XIRP2: variants seen among roughly 807,000 people sequenced by gnomAD.
XIRP2 encodes xin actin-binding repeat-containing protein 2.
In XIRP2, 236 loss-of-function variants were observed where a neutral mutation model predicts 277.0. The observed-to-expected ratio is 0.85, with a 90% CI of 0.77 to 0.95. The LOEUF is 0.95. XIRP2 is among the 40% of genes least tolerant of loss of function. The pLI is 0.00. For missense variants in XIRP2, 4,640 were observed against 4,157.5 expected (o/e 1.12, Z -3.19); for synonymous variants, 1,490 against 1,416.5 (o/e 1.05, Z -1.17).
At chr2:167,028,598 A>G (rs1024382562) in intron 2 of XIRP2, among the ~76,000 whole-genome samples, 1 of 152,080 alleles carries the variant, frequency 6.6e-6, no homozygotes. Flanking sequence ...CAAGACAGGT[A>G]CAAAGAAGTC....
chr2:166,930,815 T>G (rs909888959), intron 2 of XIRP2, among the ~76,000 whole-genome samples: 1 of 152,230 alleles, frequency 6.6e-6, no homozygotes, highest in Non-Finnish European at 1.5e-5. Flanking sequence ...AGTTGTATTA[T>G]TTCAGAACAT....
At position 167,258,929 on chromosome 2, in the gene XIRP2, C is replaced by T. The variant is rs758610656; in HGVS notation, c.*1112C>T. 1 of 1,613,090 alleles carries T rather than the reference C, an allele frequency of 6.2e-7. No homozygotes were observed. The highest frequency in any genetic ancestry group is 1.7e-5 in the Admixed American group (1 of 59,812). On this transcript the variant is annotated 3_prime_UTR_variant, in exon 11 of 11. Transcript: ENST00000409195. Reference sequence around the variant, plus strand: ...AGCAGCTGCTGGCAGTCCTGTGCAGCCTGCTCCAAAACCAAGCCTCAGCAG... The same window carrying T: ...AGCAGCTGCTGGCAGTCCTGTGCAGTCTGCTCCAAAACCAAGCCTCAGCAG...
At chr2:167,200,186 C>T (rs375897287) in intron 3 of XIRP2, among the ~76,000 whole-genome samples, 1 of 152,192 alleles carries the variant, frequency 6.6e-6, no homozygotes, top group Non-Finnish European at 1.5e-5. Flanking sequence ...AGCACAGTAA[C>T]GGTAGAATGA....
At chr2:167,030,967 T>A (rs2105504278) in intron 2 of XIRP2, among the ~76,000 whole-genome samples, 1 of 152,228 alleles carries the variant, frequency 6.6e-6, no homozygotes, top group South Asian at 2.1e-4. Flanking sequence ...TGTTTCTTGA[T>A]CTTTGTTGGT....
At chr2:166,986,376 G>A (rs1687005621) in intron 2 of XIRP2, among the ~76,000 whole-genome samples, 1 of 152,178 alleles carries the variant, frequency 6.6e-6, no homozygotes, top group Non-Finnish European at 1.5e-5. Flanking sequence ...TTTACAAAGT[G>A]TTTTGAGTTC....
rs1448119506 is a variant in XIRP2 at position 167,084,199 on chromosome 2, A to C, written c.409-51710A>C. 5.1e-4 allele frequency among the ~76,000 whole-genome samples: 78 copies of C among 152,006 alleles called. 2 individuals are homozygous for C. The highest frequency in any genetic ancestry group is 6.8e-3 in the Middle Eastern group (2 of 294). On this transcript the variant is annotated intron_variant, in intron 2 of 10. Coordinates refer to ENST00000409195, the MANE Select transcript of XIRP2 (RefSeq NM_152381.6). Reference sequence around the variant, plus strand: ...CCTTTTCTGCATCTATTGAGATAATAATGTGGTTTTTGTCTTTGGTTCTGT... The same window carrying C: ...CCTTTTCTGCATCTATTGAGATAATCATGTGGTTTTTGTCTTTGGTTCTGT...
rs1695264541 is a variant in XIRP2, at chr2:167,246,381, A to G, written c.4989A>G (p.Ile1663Met). Residue 1663 changes from isoleucine (I) to methionine (M), a missense_variant, in exon 9 of 11, where the codon ATA (isoleucine) becomes ATG (methionine). Ile to Met is a conservative substitution (Grantham distance 10). Transcript: ENST00000409195. ...TGAAAGGTGATGTACAACAAGCAAT[A>G]AAAAACCTGTTCTCTGAGGAAAGAT... ...EIVKGDVQQA[I>M]KNLFSEERSV... 6.2e-7 allele frequency: 1 copy of G among 1,613,408 alleles called. No individual in the cohort carries two copies. Among genetic ancestry groups the G allele is most frequent in the Non-Finnish European group, 8.5e-7 (1 of 1,179,724 alleles).
intron 5 of XIRP2, among the ~76,000 whole-genome samples, chr2:167,239,330 CATT>C (rs1387633964): frequency 1.2e-4 from 18 of 152,290 alleles, no homozygotes; most frequent in East Asian, 7.7e-4. Flanking sequence ...TTTGTGAATA[CATT>C]AAATTACATG....
At chr2:166,965,727 G>C (rs889469900) in intron 2 of XIRP2, among the ~76,000 whole-genome samples, 2 of 151,770 alleles carry the variant, frequency 1.3e-5, no homozygotes, top group African/African-American at 4.8e-5. Flanking sequence ...GGGAACACAA[G>C]CATGCACCAC....
intron 2 of XIRP2, among the ~76,000 whole-genome samples, chr2:167,078,144 A>G (rs1275114521): frequency 6.6e-6 from 1 of 152,206 alleles, no homozygotes; most frequent in Non-Finnish European, 1.5e-5. Context: ...TGCGTCATCT[A>G]TAATTTCTTT....
chr2:167,149,331 A>T (rs949193348), intron 3 of XIRP2, among the ~76,000 whole-genome samples: 9 of 152,208 alleles, frequency 5.9e-5, no homozygotes, highest in African/African-American at 2.2e-4. Context: ...AAAAAGTCCC[A>T]TAGATAAAGT....
At chr2:167,059,479 A>C (rs1339676448) in intron 2 of XIRP2, among the ~76,000 whole-genome samples, 1 of 151,654 alleles carries the variant, frequency 6.6e-6, no homozygotes. Flanking sequence ...ATAAAATAAA[A>C]TAAAATAAAA....
At chr2:166,984,060 C>T (rs1686939185) in intron 2 of XIRP2, among the ~76,000 whole-genome samples, 1 of 152,176 alleles carries the variant, frequency 6.6e-6, no homozygotes, top group Non-Finnish European at 1.5e-5. Flanking sequence ...CACTTTGCTG[C>T]ATAGCTAACC....
intron 3 of XIRP2, among the ~76,000 whole-genome samples, chr2:167,148,972 G>T (rs541850835): frequency 6.6e-6 from 1 of 152,062 alleles, no homozygotes; most frequent in African/African-American, 2.4e-5. Context: ...AATTGATTCA[G>T]GATACTAGGC....
chr2:167,241,734 T>G, intron 7 of XIRP2, 43 bp from the exon 8 acceptor site: 1 of 1,559,896 alleles, frequency 6.4e-7, no homozygotes, highest in Non-Finnish European at 8.7e-7. Context: ...AACATAATTT[T>G]TAGTAATTAC....
At chr2:167,044,295 T>C (rs1413924020) in intron 2 of XIRP2, among the ~76,000 whole-genome samples, 1 of 152,052 alleles carries the variant, frequency 6.6e-6, no homozygotes, top group Non-Finnish European at 1.5e-5. Flanking sequence ...GAGCCATCTA[T>C]ACAAACCAAC....
intron 2 of XIRP2, among the ~76,000 whole-genome samples, chr2:167,114,269 G>A (rs898128014): frequency 1.1e-4 from 17 of 152,108 alleles, no homozygotes; most frequent in Admixed American, 2.0e-4. Flanking sequence ...ACGCCAATGC[G>A]TCATAGATGT....
chr2:166,924,505 A>C (rs1405373581), intron 2 of XIRP2, among the ~76,000 whole-genome samples: 1 of 151,746 alleles, frequency 6.6e-6, no homozygotes, highest in African/African-American at 2.4e-5. Context: ...TTTTCTTTAT[A>C]ACTTATGACA....
chr2:166,896,883 T>G (rs1407959263), intron 1 of XIRP2, among the ~76,000 whole-genome samples: 1 of 152,148 alleles, frequency 6.6e-6, no homozygotes, highest in Non-Finnish European at 1.5e-5. Context: ...ACTGTACCTT[T>G]TCTATGTTTA....
Sources: allele counts gnomAD v4.1 joint callset (sites outside exome capture counted in the v4.1 genomes callset), GRCh38; gene constraint gnomAD v4.1.1; transcripts MANE v1.5; gene names NCBI Gene and HGNC (gene_info 2026-07-23, HGNC 2026-07-21).